The following KLF15 variants were observed in gnomAD, a reference collection of about 807,000 sequenced individuals.
KLF15 encodes KLF transcription factor 15, also known as Krueppel-like factor 15.
In KLF15, 4 loss-of-function variants were observed where a neutral mutation model predicts 24.6. The ratio of observed to expected loss-of-function variants is 0.16; its 90% CI spans 0.08 to 0.37. The LOEUF is 0.37. KLF15 is among the 10% of genes least tolerant of loss of function. The pLI is 1.00. For synonymous variants in KLF15, 246 were observed against 236.3 expected, an observed-to-expected ratio of 1.04 and a Z score of -0.37; for missense variants, 496 against 560.6, an observed-to-expected ratio of 0.88 and a Z score of 1.16.
At chr3:126,307,541 C>T in the KLF15 span, among the ~76,000 whole-genome samples, 1 of 152,130 alleles carries the variant, frequency 6.6e-6, no homozygotes, top group Non-Finnish European at 1.5e-5. Context: ...CTAATGACCC[C>T]CGACACAGCC....
the KLF15 span, among the ~76,000 whole-genome samples, chr3:126,302,500 T>C: frequency 6.6e-6 from 1 of 152,196 alleles, no homozygotes; most frequent in Non-Finnish European, 1.5e-5. Flanking sequence ...TATTAGATTA[T>C]GATTGTAGAT....
downstream of KLF15, among the ~76,000 whole-genome samples, chr3:126,339,004 T>C (rs773569766): frequency 3.9e-5 from 6 of 152,178 alleles, no homozygotes; most frequent in Non-Finnish European, 8.8e-5. Context: ...CTATCAGTGC[T>C]GGGTGTGGAT....
the KLF15 span, among the ~76,000 whole-genome samples, chr3:126,323,764 T>C: frequency 7.3e-6 from 1 of 136,836 alleles, no homozygotes; most frequent in Non-Finnish European, 1.5e-5. Context: ...TTGGGTACCA[T>C]TATAAACTGT....
chr3:126,333,748 CA>C, the KLF15 span, among the ~76,000 whole-genome samples: 3 of 123,756 alleles, frequency 2.4e-5, no homozygotes, highest in Admixed American at 1.7e-4. Context: ...AAATGGAAAA[CA>C]AAAAACGGCA....
the KLF15 span, among the ~76,000 whole-genome samples, chr3:126,299,505 T>G: frequency 2.0e-5 from 3 of 151,614 alleles, no homozygotes; most frequent in East Asian, 5.8e-4. Flanking sequence ...ATCCCAGCAC[T>G]TTGGGAGGCC....
chr3:126,304,178 A>G, the KLF15 span, among the ~76,000 whole-genome samples: 1 of 150,718 alleles, frequency 6.6e-6, no homozygotes, highest in Non-Finnish European at 1.5e-5. Flanking sequence ...TTGTATTTCT[A>G]TAAATATTCT....
At position 126,343,366 on chromosome 3, in the gene KLF15, C is replaced by T. The variant is rs1451091650; in HGVS notation, c.*361G>A. The T allele has an allele frequency of 1.8e-5, 5 of 273,374 alleles. No individual in the cohort carries two copies. Among genetic ancestry groups the T allele is most frequent in the Non-Finnish European group, 3.4e-5 (5 of 145,584 alleles). The allele number at this position is 273,374 out of a possible 1,614,324, so 16.9% of individuals were successfully genotyped here. ...TCTTCCCCTAGCACTAAAGTTCTGG[C>T]CTTGGCCCAGGATGGGGGAGCCCAG... On this transcript the variant is annotated 3_prime_UTR_variant, in exon 3 of 3. Coordinates refer to ENST00000296233, the MANE Select transcript of KLF15 (RefSeq NM_014079.4).
Position 126,356,600 on chromosome 3 carries a change from T to C in KLF15, c.-26+637A>G, listed in dbSNP as rs2082633887. On this transcript the variant is annotated intron_variant, in intron 1 of 2. Coordinates refer to ENST00000296233, the MANE Select transcript of KLF15 (RefSeq NM_014079.4). This position sits in a 1 kb window ranked among gnomAD's most constrained non-coding sequence, Gnocchi z 4.4. The stretch of plus-strand genomic sequence containing the variant: ...CGTGAAGGGGTGTGAGTTCCTGTCG[T>C]GTGACTGCGTGTGCGGGGCGTGGTG... 6.6e-6 allele frequency among the ~76,000 whole-genome samples: 1 copy of C among 152,128 alleles called. No individual in the cohort carries two copies. Among genetic ancestry groups the C allele is most frequent in the East Asian group, 1.9e-4 (1 of 5,132 alleles).
chr3:126,320,332 A>T, the KLF15 span, among the ~76,000 whole-genome samples: 1 of 152,242 alleles, frequency 6.6e-6, no homozygotes, highest in Non-Finnish European at 1.5e-5. Context: ...CTTTTAACAC[A>T]ACATGCCAGC....
At chr3:126,300,952 G>A in the KLF15 span, among the ~76,000 whole-genome samples, 3 of 152,336 alleles carry the variant, frequency 2.0e-5, no homozygotes, top group South Asian at 2.1e-4. Flanking sequence ...ATCACTGGGT[G>A]CGAAAGGAGG....
At chr3:126,338,078 A>G (rs2082452856), downstream of KLF15, among the ~76,000 whole-genome samples, 1 of 152,244 alleles carries the variant, frequency 6.6e-6, no homozygotes, top group African/African-American at 2.4e-5. Flanking sequence ...GGCATCCGGA[A>G]GACTGAACCC....
At chr3:126,333,529 C>A in the KLF15 span, among the ~76,000 whole-genome samples, 1 of 108,734 alleles carries the variant, frequency 9.2e-6, no homozygotes, top group African/African-American at 3.9e-5. Context: ...AGCAAAATAA[C>A]CAGCTAACAT....
the KLF15 span, among the ~76,000 whole-genome samples, chr3:126,309,941 T>C: frequency 1.3e-5 from 2 of 152,240 alleles, no homozygotes; most frequent in Admixed American, 1.3e-4. Context: ...ACTATAACCC[T>C]GAGCCCGTTT....
the KLF15 span, among the ~76,000 whole-genome samples, chr3:126,290,249 T>A: frequency 5.3e-5 from 8 of 152,270 alleles, no homozygotes; most frequent in African/African-American, 1.9e-4. Flanking sequence ...CTATAGCACA[T>A]TCCCAGGCTA....
chr3:126,353,217 C>T (rs1270597035), intron 1 of KLF15, among the ~76,000 whole-genome samples: 1 of 152,236 alleles, frequency 6.6e-6, no homozygotes, highest in Admixed American at 6.5e-5. Context: ...TGGAAAATAG[C>T]ACATATGTCT....
chr3:126,288,691 A>G, the KLF15 span, among the ~76,000 whole-genome samples: 20 of 152,212 alleles, frequency 1.3e-4, no homozygotes, highest in African/African-American at 2.7e-4. Flanking sequence ...TTCGGGGCTC[A>G]TTGTCCTGGA....
chr3:126,346,334 G>GA (rs79954341), intron 2 of KLF15, among the ~76,000 whole-genome samples: 28,702 of 152,140 alleles, frequency 0.19, 2,990 homozygotes, highest in South Asian at 0.34. Context: ...GAACCAGGAT[G>GA]AGCCAGCCCC....
At chr3:126,288,577 C>T in the KLF15 span, among the ~76,000 whole-genome samples, 1 of 152,248 alleles carries the variant, frequency 6.6e-6, no homozygotes, top group Non-Finnish European at 1.5e-5. Context: ...CAGCGGCCTC[C>T]CGGACACCAA....
chr3:126,351,861 G>T lies in KLF15; in HGVS notation c.1062C>A (p.Thr354=). The change falls in exon 2 of 3, where the codon ACC becomes ACA. Residue 354 remains threonine, a synonymous_variant. Coordinates refer to ENST00000296233, the MANE Select transcript of KLF15 (RefSeq NM_014079.4). ...RHTGEKPFAC[T]WPGCGWRFSR... ...CTGACCTCCAGCCGCAGCCTGGCCAGGTGCAGGCGAAGGGCTTCTCACCCG... is the reference window on the plus strand; with the variant it reads ...CTGACCTCCAGCCGCAGCCTGGCCATGTGCAGGCGAAGGGCTTCTCACCCG... 6.8e-6 allele frequency: 11 copies of T among 1,613,816 alleles called. No homozygotes were observed. The highest frequency in any genetic ancestry group is 9.3e-6 in the Non-Finnish European group (11 of 1,179,882).
Sources: allele counts gnomAD v4.1 joint callset (sites outside exome capture counted in the v4.1 genomes callset), GRCh38; gene constraint gnomAD v4.1.1; non-coding constraint Gnocchi (gnomAD v3.1); transcripts MANE v1.5; gene names NCBI Gene and HGNC (gene_info 2026-07-23, HGNC 2026-07-21).